The following DEPDC5 variants were observed in gnomAD, a reference collection of about 807,000 sequenced individuals.
The protein encoded by DEPDC5 is GATOR1 complex protein DEPDC5.
In DEPDC5, 73 loss-of-function variants were observed where a neutral mutation model predicts 217.3. The observed-to-expected ratio is 0.34, with a 90% CI of 0.28 to 0.41. The LOEUF is 0.41. DEPDC5 is among the 10% of genes least tolerant of loss of function. The pLI is 1.00. For missense variants in DEPDC5, 1,675 were observed against 2,070.1 expected, an observed-to-expected ratio of 0.81 and a Z score of 3.70; for synonymous variants, 733 against 756.7, an observed-to-expected ratio of 0.97 and a Z score of 0.51.
At chr22:31,846,722 C>T (rs2091757632) in intron 30 of DEPDC5, 112 bp from the exon 31 acceptor site, 2 of 1,488,176 alleles carry the variant, frequency 1.3e-6, no homozygotes, top group African/African-American at 2.8e-5. Context: ...TTCCTTGACC[C>T]TGTCCATGGG....
At chr22:31,863,535 T>C (rs1488307797) in intron 33 of DEPDC5, among the ~76,000 whole-genome samples, 1 of 152,076 alleles carries the variant, frequency 6.6e-6, no homozygotes, top group East Asian at 1.9e-4. Flanking sequence ...CAAATAAGGA[T>C]TATATTACCC....
chr22:31,783,083 T>C (rs1481836066), intron 8 of DEPDC5, among the ~76,000 whole-genome samples: 1 of 152,060 alleles, frequency 6.6e-6, no homozygotes, highest in Admixed American at 6.6e-5. Flanking sequence ...AATGCACCAA[T>C]CAGCGCTCTG....
intron 40 of DEPDC5, among the ~76,000 whole-genome samples, chr22:31,900,382 T>C (rs115510490): frequency 0.019 from 2,872 of 152,210 alleles, 75 homozygotes; most frequent in African/African-American, 0.06. Context: ...GCTTCAATTT[T>C]CCTACCTCTA....
intron 7 of DEPDC5, among the ~76,000 whole-genome samples, chr22:31,770,316 C>T (rs2083225102): frequency 6.6e-6 from 1 of 151,744 alleles, no homozygotes. Flanking sequence ...ATTCCTCTCC[C>T]CAGAAACAAC....
intron 3 of DEPDC5, 137 bp downstream of exon 3, chr22:31,758,770 T>C: frequency 2.4e-6 from 2 of 846,606 alleles, no homozygotes; most frequent in Admixed American, 4.2e-5. Flanking sequence ...TTTGGGAGGC[T>C]GAGGTGGGTA....
chr22:31,855,039 A>G (rs1418975552), intron 31 of DEPDC5, among the ~76,000 whole-genome samples: 1 of 148,790 alleles, frequency 6.7e-6, no homozygotes, highest in Non-Finnish European at 1.5e-5. Flanking sequence ...ATCTCGGCTC[A>G]CTGCAACCTC....
At position 31,906,116 on chromosome 22, in the gene DEPDC5, T is replaced by C; in HGVS notation, c.4519+50T>C. The C allele has an allele frequency of 3.7e-6, 6 of 1,613,702 alleles. No homozygotes were observed. Among genetic ancestry groups the C allele is most frequent in the Non-Finnish European group, 5.1e-6 (6 of 1,179,790 alleles). The stretch of plus-strand genomic sequence containing the variant: ...GCAGGTGGGTCCACATCCCTTTCCT[T>C]GCACCAAGCCTATGGCTGCAGAACC... On this transcript the variant is annotated intron_variant, in intron 42 of 42. Coordinates refer to ENST00000651528, the MANE Select transcript of DEPDC5 (RefSeq NM_001242896.3). The surrounding 1 kb of genome is among the most constrained non-coding windows in gnomAD (Gnocchi z 5.1).
At position 31,834,768 on chromosome 22, in the gene DEPDC5, ATCCG is replaced by A. The variant is rs775557217; in HGVS notation, c.2170+789_2170+792del. On this transcript the variant is annotated intron_variant, in intron 25 of 42. Coordinates refer to ENST00000651528, the MANE Select transcript of DEPDC5 (RefSeq NM_001242896.3). ...CTAACCTCGTGATCCTGACCTCGTG[ATCCG>A]CCCGCCTTGGCCTCCCAAAGTGCTG... Among the ~76,000 whole-genome samples, 365 of 152,198 alleles carry A rather than the reference ATCCG, an allele frequency of 2.4e-3. 1 individual carries two copies. The highest frequency in any genetic ancestry group is 3.6e-3 in the Non-Finnish European group (243 of 67,992).
At chr22:31,760,599 G>T (rs1312318339) in intron 3 of DEPDC5, 57 bp from the exon 4 acceptor site, 2 of 1,511,126 alleles carry the variant, frequency 1.3e-6, no homozygotes, top group South Asian at 2.4e-5. Flanking sequence ...GGGGATGAAG[G>T]TTGCTAGGGA....
chr22:31,901,218 G>T (rs1602952384), intron 40 of DEPDC5, among the ~76,000 whole-genome samples: 1 of 151,222 alleles, frequency 6.6e-6, no homozygotes, highest in Non-Finnish European at 1.5e-5. Context: ...ATTCCAGCCT[G>T]GGTGACCAAG....
intron 38 of DEPDC5, among the ~76,000 whole-genome samples, chr22:31,883,406 A>ACTCTG (rs771903087): frequency 9.2e-5 from 14 of 151,584 alleles, no homozygotes; most frequent in Non-Finnish European, 1.3e-4. Context: ...ACTGTCCTCC[A>ACTCTG]CTCTGCTCTG....
chr22:31,860,851 A>G (rs1003607987), intron 32 of DEPDC5, among the ~76,000 whole-genome samples: 3 of 152,062 alleles, frequency 2.0e-5, no homozygotes, highest in Non-Finnish European at 4.4e-5. Flanking sequence ...TCCTGGCTCA[A>G]TGTATCTCTC....
chr22:31,852,845 C>T (rs1472394094), intron 31 of DEPDC5: 1 of 152,228 alleles, frequency 6.6e-6, no homozygotes, highest in Non-Finnish European at 1.5e-5. Flanking sequence ...GATGAGCTCC[C>T]TGTGTGGGAA....
chr22:31,867,700 C>T (rs552471617), intron 33 of DEPDC5, among the ~76,000 whole-genome samples: 1 of 152,292 alleles, frequency 6.6e-6, no homozygotes, highest in Admixed American at 6.5e-5. Context: ...GACCCTATGG[C>T]CCACAAAGCC....
chr22:31,772,924 G>A (rs2083483035), intron 7 of DEPDC5, among the ~76,000 whole-genome samples: 1 of 151,414 alleles, frequency 6.6e-6, no homozygotes, highest in South Asian at 2.1e-4. Flanking sequence ...TGGGACTACA[G>A]GAATGCACCA....
chr22:31,774,117 A>G (rs1016506971), intron 7 of DEPDC5, among the ~76,000 whole-genome samples: 2 of 152,154 alleles, frequency 1.3e-5, no homozygotes, highest in Non-Finnish European at 2.9e-5. Context: ...ATATATATAT[A>G]GTAGCAAAAT....
At chr22:31,813,997 T>G in intron 20 of DEPDC5, 1 of 152,068 alleles carries the variant, frequency 6.6e-6, no homozygotes, top group Non-Finnish European at 1.5e-5. Flanking sequence ...TACCCAGGCG[T>G]GGTGGTGGGC....
intron 33 of DEPDC5, among the ~76,000 whole-genome samples, chr22:31,862,989 G>A (rs541851760): frequency 7.9e-5 from 12 of 152,174 alleles, no homozygotes; most frequent in African/African-American, 2.4e-4. Flanking sequence ...GTAGCTGGGA[G>A]TATAGGTATG....
intron 24 of DEPDC5, among the ~76,000 whole-genome samples, chr22:31,832,165 T>A (rs11703104): frequency 0.11 from 16,802 of 152,294 alleles, 986 homozygotes; most frequent in Admixed American, 0.15. Flanking sequence ...TTGTTTATCC[T>A]TCCCCCAGTT....
Sources: allele counts gnomAD v4.1 joint callset (sites outside exome capture counted in the v4.1 genomes callset), GRCh38; gene constraint gnomAD v4.1.1; non-coding constraint Gnocchi (gnomAD v3.1); transcripts MANE v1.5; gene names NCBI Gene and HGNC (gene_info 2026-07-23, HGNC 2026-07-21).